Variants in TAFA2 observed in about 807,000 individuals in gnomAD.
The protein encoded by TAFA2 is chemokine-like protein TAFA-2.
A neutral mutation model predicts 18.8 loss-of-function variants in TAFA2; 7 were observed. The ratio of observed to expected loss-of-function variants is 0.37; its 90% CI spans 0.21 to 0.70. The LOEUF (loss-of-function observed/expected upper bound fraction) is 0.70, where lower values mean the gene tolerates loss of function less well. Among genes scored for constraint, TAFA2 ranks in the 30% least tolerant of loss-of-function variants. TAFA2 has a pLI of 0.53. For synonymous variants in TAFA2, 60 were observed against 54.2 expected (o/e 1.11, Z -0.47); for missense variants, 122 against 158.1 (o/e 0.77, Z 1.23).
intron 1 of TAFA2, among the ~76,000 whole-genome samples, chr12:62,010,882 G>C (rs1482710972): frequency 2.5e-5 from 2 of 80,278 alleles, no homozygotes; most frequent in African/African-American, 4.8e-5. Flanking sequence ...GCCGCCCTTC[G>C]TCTGGGAGGT....
chr12:62,094,601 C>T (rs1304477692), intron 1 of TAFA2, among the ~76,000 whole-genome samples: 1 of 151,796 alleles, frequency 6.6e-6, no homozygotes, highest in African/African-American at 2.4e-5. Context: ...TCCAAAATTC[C>T]TTAATTTACA....
chr12:62,160,679 G>A (rs915862850), intron 1 of TAFA2, among the ~76,000 whole-genome samples: 3 of 152,118 alleles, frequency 2.0e-5, no homozygotes, highest in African/African-American at 7.2e-5. Context: ...GCAGTTGGGG[G>A]CCATTATCTA....
At chr12:61,947,223 C>T (rs909423891) in intron 1 of TAFA2, among the ~76,000 whole-genome samples, 33 of 146,788 alleles carry the variant, frequency 2.2e-4, no homozygotes, top group Non-Finnish European at 3.3e-4. Context: ...AACCAAACAC[C>T]GCATATTCTC....
chr12:61,902,344 G>A (rs1464794623), intron 1 of TAFA2, among the ~76,000 whole-genome samples: 1 of 152,148 alleles, frequency 6.6e-6, no homozygotes, highest in Non-Finnish European at 1.5e-5. Flanking sequence ...GTTCAAAGCT[G>A]GAGATGGCAT....
intron 1 of TAFA2, among the ~76,000 whole-genome samples, chr12:62,150,995 CAAA>C (rs111883560): frequency 8.2e-6 from 1 of 122,128 alleles, no homozygotes. Flanking sequence ...AAGGCCTTGT[CAAA>C]AAAAAAAAAA....
chr12:61,713,596 G>A (rs1869514276), intron 4 of TAFA2, among the ~76,000 whole-genome samples: 1 of 152,010 alleles, frequency 6.6e-6, no homozygotes, highest in Non-Finnish European at 1.5e-5. Context: ...AACAAGATGG[G>A]AAAACCAAAG....
At chr12:62,131,174 A>G (rs1283532903) in intron 1 of TAFA2, among the ~76,000 whole-genome samples, 3 of 151,980 alleles carry the variant, frequency 2.0e-5, no homozygotes, top group Non-Finnish European at 4.4e-5. Context: ...GTAGCTAGAA[A>G]TTGAGGGCAC....
rs956048339 is a variant in TAFA2 at position 61,801,145 on chromosome 12, C to T, written c.107-46121G>A. On this transcript the variant is annotated intron_variant, in intron 2 of 4. Coordinates refer to ENST00000416284, the MANE Select transcript of TAFA2 (RefSeq NM_178539.5). ...ATGACACAAATAAATAGAAGATATC[C>T]CATGTTCATGAATTGGAAGAATTAA... is the stretch of plus-strand genomic sequence containing the variant. 5.3e-5 allele frequency among the ~76,000 whole-genome samples: 8 copies of T among 151,938 alleles called. No homozygotes were observed. The South Asian group carries it at 1.7e-3, about 32-fold the overall frequency.
intron 1 of TAFA2, among the ~76,000 whole-genome samples, chr12:62,084,293 T>C (rs993182980): frequency 6.6e-6 from 1 of 152,200 alleles, no homozygotes; most frequent in Non-Finnish European, 1.5e-5. Flanking sequence ...ACTTATCTAA[T>C]ACTTATTTAA....
At chr12:61,747,645 C>T (rs892525586) in intron 4 of TAFA2, among the ~76,000 whole-genome samples, 3 of 149,000 alleles carry the variant, frequency 2.0e-5, no homozygotes, top group African/African-American at 5.0e-5. Flanking sequence ...TATTCTCACT[C>T]ATAGGTGGGA....
At chr12:62,024,041 A>G (rs762050766) in intron 1 of TAFA2, among the ~76,000 whole-genome samples, 2 of 152,060 alleles carry the variant, frequency 1.3e-5, no homozygotes, top group Non-Finnish European at 2.9e-5. Context: ...CGGTTGCCTT[A>G]CCTCTACTGC....
intron 2 of TAFA2, among the ~76,000 whole-genome samples, chr12:61,863,329 T>C (rs2121204708): frequency 6.6e-6 from 1 of 152,312 alleles, no homozygotes; most frequent in East Asian, 1.9e-4. Flanking sequence ...ATATTAGGTA[T>C]ACAGATGATC....
At chr12:61,876,313 A>T (rs1219821521) in intron 1 of TAFA2, among the ~76,000 whole-genome samples, 2 of 152,186 alleles carry the variant, frequency 1.3e-5, no homozygotes, top group Non-Finnish European at 2.9e-5. Flanking sequence ...ATGCTGGCAA[A>T]GGAGTGAAAA....
chr12:62,193,644 C>T (rs2062636858), upstream of TAFA2, among the ~76,000 whole-genome samples: 1 of 152,164 alleles, frequency 6.6e-6, no homozygotes, highest in Non-Finnish European at 1.5e-5. Flanking sequence ...TAAAAAATAG[C>T]TCCACCGATT....
intron 4 of TAFA2, among the ~76,000 whole-genome samples, chr12:61,747,722 G>T (rs1281527601): frequency 2.9e-5 from 4 of 136,352 alleles, no homozygotes; most frequent in African/African-American, 1.1e-4. Flanking sequence ...TTGTGGGGTG[G>T]GGGGAGCGGG....
At chr12:61,876,951 A>G (rs12314756) in intron 1 of TAFA2, among the ~76,000 whole-genome samples, 7,952 of 152,292 alleles carry the variant, frequency 0.052, 698 homozygotes, top group African/African-American at 0.18. Context: ...TTTTATAACT[A>G]CATTCTATTC....
chr12:61,951,737 A>C (rs777428054), intron 1 of TAFA2, among the ~76,000 whole-genome samples: 2 of 152,122 alleles, frequency 1.3e-5, no homozygotes, highest in Non-Finnish European at 2.9e-5. Context: ...TTCAAAATAA[A>C]TTAGGAAACC....
chr12:62,101,697 T>G (rs966751309), intron 1 of TAFA2, among the ~76,000 whole-genome samples: 1 of 152,216 alleles, frequency 6.6e-6, no homozygotes, highest in Non-Finnish European at 1.5e-5. Flanking sequence ...GGAGTCTATT[T>G]GAGAGCCCTT....
At chr12:61,822,933 TA>T (rs943504963) in intron 2 of TAFA2, among the ~76,000 whole-genome samples, 4 of 152,210 alleles carry the variant, frequency 2.6e-5, no homozygotes, top group Non-Finnish European at 5.9e-5. Flanking sequence ...AGGTTTATTT[TA>T]AAAGTGTTTC....
Sources: allele counts gnomAD v4.1 joint callset (sites outside exome capture counted in the v4.1 genomes callset), GRCh38; gene constraint gnomAD v4.1.1; transcripts MANE v1.5; gene names NCBI Gene and HGNC (gene_info 2026-07-23, HGNC 2026-07-21).